The following MAOB variants were observed in gnomAD, a reference collection of about 807,000 sequenced individuals.
The protein encoded by MAOB is monoamine oxidase B.
In MAOB, 15 loss-of-function variants were observed where a neutral mutation model predicts 41.9. The observed-to-expected ratio is 0.36, with a 90% CI of 0.24 to 0.55. The LOEUF is 0.55. MAOB is among the 20% of genes least tolerant of loss of function. The pLI is 0.86. For missense variants in MAOB, 345 were observed against 398.7 expected, an observed-to-expected ratio of 0.87 and a Z score of 1.15; for synonymous variants, 167 against 144.2, an observed-to-expected ratio of 1.16 and a Z score of -1.13.
At chrX:43,878,673 T>A (rs1602041440) in intron 1 of MAOB, among the ~76,000 whole-genome samples, 1 of 111,537 alleles carries the variant, frequency 9.0e-6, no homozygotes, top group East Asian at 2.8e-4. Context: ...GTTCTCCATT[T>A]TTCTTCACCA....
At chrX:43,871,815 G>A (rs983162469) in intron 1 of MAOB, among the ~76,000 whole-genome samples, 1 of 110,048 alleles carries the variant, frequency 9.1e-6, no homozygotes, top group Non-Finnish European at 1.9e-5. Context: ...GCTTAACAAG[G>A]GCTGTTTGAT....
intron 1 of MAOB, among the ~76,000 whole-genome samples, chrX:43,861,582 G>A (rs759360784): frequency 1.4e-3 from 161 of 111,710 alleles, no homozygotes; most frequent in Non-Finnish European, 2.0e-3. Context: ...TCTGCCTCAT[G>A]TCTAAAATCT....
intron 3 of MAOB, among the ~76,000 whole-genome samples, chrX:43,834,053 T>G (rs2035046034): frequency 8.9e-6 from 1 of 112,121 alleles, no homozygotes; most frequent in Admixed American, 9.5e-5. Flanking sequence ...GAAAAAATCT[T>G]CCATAATAAG....
At chrX:43,804,097 C>A (rs911938405) in intron 3 of MAOB, among the ~76,000 whole-genome samples, 1 of 111,315 alleles carries the variant, frequency 9.0e-6, no homozygotes, top group Non-Finnish European at 1.9e-5. Context: ...GTTGATGGCA[C>A]TTAAGAGACA....
chrX:43,836,247 C>T (rs1420113156), intron 3 of MAOB, among the ~76,000 whole-genome samples: 2 of 111,516 alleles, frequency 1.8e-5, no homozygotes, highest in Non-Finnish European at 3.8e-5. Flanking sequence ...TTAATAATTC[C>T]GGAAATGAAT....
At chrX:43,849,956 GGAAA>G (rs2035238311) in intron 1 of MAOB, among the ~76,000 whole-genome samples, 1 of 112,241 alleles carries the variant, frequency 8.9e-6, no homozygotes, top group Non-Finnish European at 1.9e-5. Flanking sequence ...TTTTTCAAAG[GGAAA>G]GAAAGACAGT....
chrX:43,801,919 T>C (rs995169932), intron 5 of MAOB, among the ~76,000 whole-genome samples: 20 of 112,957 alleles, frequency 1.8e-4, no homozygotes, highest in African/African-American at 5.8e-4. Context: ...AAGAAAGTGG[T>C]ACCTTCTGGT....
chrX:43,859,756 A>G (rs1292948230), intron 1 of MAOB, among the ~76,000 whole-genome samples: 2 of 112,224 alleles, frequency 1.8e-5, no homozygotes, highest in East Asian at 2.8e-4. Context: ...GTCCTGGATC[A>G]TTACCATGAG....
intron 2 of MAOB, 77 bp from the exon 3 acceptor site, chrX:43,839,082 C>T: frequency 1.3e-6 from 1 of 775,371 alleles, no homozygotes; most frequent in South Asian, 3.9e-5. Context: ...CTGAAATAAG[C>T]AAATCGACAT....
intron 4 of MAOB, among the ~76,000 whole-genome samples, chrX:43,802,614 G>T (rs1601985787): frequency 1.8e-5 from 2 of 111,830 alleles, no homozygotes; most frequent in African/African-American, 6.5e-5. Flanking sequence ...TATTTAACAA[G>T]GATCACAGAG....
intron 3 of MAOB, among the ~76,000 whole-genome samples, chrX:43,816,008 T>C (rs2034809851): frequency 8.9e-6 from 1 of 112,300 alleles, no homozygotes; most frequent in Admixed American, 9.5e-5. Context: ...CTTTAGTTCC[T>C]TAATGGTATA....
intron 12 of MAOB, among the ~76,000 whole-genome samples, chrX:43,771,280 C>T (rs1035530148): frequency 2.7e-5 from 3 of 112,125 alleles, no homozygotes; most frequent in African/African-American, 6.5e-5. Flanking sequence ...TAAAACTTGA[C>T]ATGAAATATT....
At chrX:43,881,596 C>G (rs923003879) in intron 1 of MAOB, among the ~76,000 whole-genome samples, 1 of 112,146 alleles carries the variant, frequency 8.9e-6, no homozygotes, top group Admixed American at 9.4e-5. Context: ...CCCATCCTTG[C>G]CAAATATGGG....
intron 8 of MAOB, among the ~76,000 whole-genome samples, chrX:43,785,281 G>A (rs2034385300): frequency 8.9e-6 from 1 of 112,820 alleles, no homozygotes; most frequent in Admixed American, 9.3e-5. Context: ...TTTATGTTAT[G>A]GGGAGGAGGC....
chrX:43,806,475 T>C (rs1379585834), intron 3 of MAOB, among the ~76,000 whole-genome samples: 1 of 111,923 alleles, frequency 8.9e-6, no homozygotes, highest in African/African-American at 3.2e-5. Context: ...CCAAGTGCTC[T>C]TGTCATCATG....
Position 43,769,742 on chromosome X carries a change from C to T in MAOB, c.1236-324G>A, listed in dbSNP as rs182395024. Among the ~76,000 whole-genome samples, 110 of 111,628 alleles carry T rather than the reference C, an allele frequency of 9.9e-4. No homozygotes were observed. The East Asian group carries it at 0.022, about 22-fold the overall frequency. On this transcript the variant is annotated intron_variant, in intron 12 of 14. Transcript: ENST00000378069. ...CAGTCACATGGCTCCCTTTATGGCT[C>T]ACTGGCTCTGTGGCAAGGTGATACA... is the stretch of plus-strand genomic sequence containing the variant.
At chrX:43,768,579 T>C in intron 14 of MAOB, 75 bp downstream of exon 14, 2 of 839,916 alleles carry the variant, frequency 2.4e-6, no homozygotes, top group Non-Finnish European at 1.8e-6. Context: ...TGTGAATATA[T>C]ACAAGTGTGC....
At chrX:43,775,055 G>GTTTTT (rs373072993) in intron 12 of MAOB, 120 bp downstream of exon 12, 26 of 616,932 alleles carry the variant, frequency 4.2e-5, no homozygotes, top group South Asian at 7.5e-5. Context: ...AAATTGGGTT[G>GTTTTT]TTTTTTTTTT....
At chrX:43,802,926 T>A (rs750706767) in intron 4 of MAOB, among the ~76,000 whole-genome samples, 2 of 111,454 alleles carry the variant, frequency 1.8e-5, no homozygotes, top group South Asian at 7.6e-4. Context: ...TGCACATGTA[T>A]CCCGGAGCTT....
Sources: gnomAD v4.1 joint callset for allele counts (sites outside exome capture counted in the v4.1 genomes callset) on GRCh38, gnomAD v4.1.1 for gene constraint, MANE v1.5 for transcripts, NCBI Gene and HGNC (gene_info 2026-07-23, HGNC 2026-07-21) for gene names.